RIC1: variants seen among roughly 807,000 people sequenced by gnomAD.
The protein encoded by RIC1 is guanine nucleotide exchange factor subunit RIC1.
In RIC1, 88 loss-of-function variants were observed where a neutral mutation model predicts 169.0. The ratio of observed to expected loss-of-function variants is 0.52; its 90% CI spans 0.44 to 0.62. The LOEUF (loss-of-function observed/expected upper bound fraction) is 0.62, where lower values mean the gene tolerates loss of function less well. RIC1 is among the 20% of genes least tolerant of loss of function. The probability of loss-of-function intolerance (pLI) is 0.00; values close to 1 mark genes in which losing one functional copy is unlikely to be tolerated. For missense variants in RIC1, 1,877 were observed against 1,725.5 expected (o/e 1.09, Z -1.56); for synonymous variants, 790 against 601.5 (o/e 1.31, Z -4.59).
chr9:5,634,688 GTTTTC>G (rs899334762), intron 1 of RIC1, among the ~76,000 whole-genome samples: 114 of 151,996 alleles, frequency 7.5e-4, no homozygotes, highest in Middle Eastern at 3.4e-3. Context: ...CTTGTTGATT[GTTTTC>G]TTTACTGTAC....
intron 6 of RIC1, among the ~76,000 whole-genome samples, chr9:5,725,133 T>A (rs1010916461): frequency 2.0e-5 from 3 of 152,218 alleles, no homozygotes; most frequent in Non-Finnish European, 2.9e-5. Flanking sequence ...GAAGGAATGG[T>A]ACCAGTTCCT....
intron 3 of RIC1, among the ~76,000 whole-genome samples, chr9:5,697,511 G>T (rs1356080799): frequency 6.6e-6 from 1 of 152,100 alleles, no homozygotes; most frequent in Non-Finnish European, 1.5e-5. Flanking sequence ...ACAATTTTCA[G>T]TCTTTTTCCA....
chr9:5,684,274 A>ACAC (rs1821064941), intron 2 of RIC1, among the ~76,000 whole-genome samples: 1 of 7,630 alleles, frequency 1.3e-4, no homozygotes, highest in Non-Finnish European at 3.2e-4. Flanking sequence ...TCTTGGCTCC[A>ACAC]CCCCCCCCCC....
At position 5,738,433 on chromosome 9, in the gene RIC1, C is replaced by T. The variant is rs201176363; in HGVS notation, c.813-17C>T. 21 of 1,543,814 alleles carry T rather than the reference C, an allele frequency of 1.4e-5. No homozygotes were observed. The East Asian group carries it at 2.1e-4, about 15-fold the overall frequency. On this transcript the variant is annotated splice_polypyrimidine_tract_variant and intron_variant, in intron 7 of 25. Coordinates refer to ENST00000414202, the MANE Select transcript of RIC1 (RefSeq NM_020829.4). The stretch of plus-strand genomic sequence containing the variant: ...TTGTCTTTTTTCACTAAAAGTTTTT[C>T]GTTGTTGTTTTCACAGTGGTTCTGT...
chr9:5,647,527 G>C (rs1331145890), intron 1 of RIC1, among the ~76,000 whole-genome samples: 1 of 152,086 alleles, frequency 6.6e-6, no homozygotes, highest in African/African-American at 2.4e-5. Flanking sequence ...TGCCTGCTTG[G>C]TTAGGTTTAG....
At chr9:5,664,917 A>G (rs529876098) in intron 2 of RIC1, among the ~76,000 whole-genome samples, 1 of 152,196 alleles carries the variant, frequency 6.6e-6, no homozygotes, top group East Asian at 1.9e-4. Context: ...AATAGTTGTG[A>G]TTGCATTGTG....
intron 1 of RIC1, among the ~76,000 whole-genome samples, chr9:5,655,519 G>A (rs1157857085): frequency 6.6e-6 from 1 of 151,852 alleles, no homozygotes; most frequent in Non-Finnish European, 1.5e-5. Flanking sequence ...CAGGCTGGTC[G>A]CAAACTCCTG....
At chr9:5,733,953 AGACCTAGAATTTTCTT>A (rs1277769667) in intron 7 of RIC1, among the ~76,000 whole-genome samples, 1 of 150,620 alleles carries the variant, frequency 6.6e-6, no homozygotes, top group Non-Finnish European at 1.5e-5. Flanking sequence ...GAAGCCATCT[AGACCTAGAATTTTCTT>A]ATTGTGGATT....
intron 3 of RIC1, among the ~76,000 whole-genome samples, chr9:5,712,386 C>A (rs1822986420): frequency 6.6e-6 from 1 of 152,084 alleles, no homozygotes; most frequent in Non-Finnish European, 1.5e-5. Context: ...AAAGAAACTA[C>A]CATCAGAGTG....
At chr9:5,751,109 G>T (rs1382285677) in intron 12 of RIC1, among the ~76,000 whole-genome samples, 1 of 151,686 alleles carries the variant, frequency 6.6e-6, no homozygotes, top group Non-Finnish European at 1.5e-5. Context: ...TTTGCAGTAA[G>T]ATCCCAGCTC....
rs71487829 is a variant in RIC1, at chr9:5,733,263, ATTTTTTTTT to A, written c.812+794_812+802del. On this transcript the variant is annotated intron_variant, in intron 7 of 25. Transcript: ENST00000414202. Reference sequence around the variant, plus strand: ...TCACCACCCAATTTAAGTATCAAAGATTTTTTTTTTTTTTTTTTGAGATGGAGTCTCGCT... The same window carrying A: ...TCACCACCCAATTTAAGTATCAAAGATTTTTTTTTGAGATGGAGTCTCGCT... Among the ~76,000 whole-genome samples, 169 of 134,882 alleles carry A rather than the reference ATTTTTTTTT, an allele frequency of 1.3e-3. 1 individual carries two copies. Among genetic ancestry groups the A allele is most frequent in the Non-Finnish European group, 1.9e-3 (120 of 62,098 alleles). The allele number at this position is 134,882 out of a possible 152,430, so 88.5% of individuals were successfully genotyped here.
chr9:5,647,982 GGTGGTGGTGGTA>G (rs371138504), intron 1 of RIC1, among the ~76,000 whole-genome samples: 15,627 of 143,912 alleles, frequency 0.11, 1,376 homozygotes, highest in African/African-American at 0.26. Context: ...TGATGGTGGT[GGTGGTGGTGGTA>G]GTGGTAGTGG....
intron 1 of RIC1, among the ~76,000 whole-genome samples, chr9:5,636,574 C>T (rs537428883): frequency 1.2e-4 from 18 of 152,262 alleles, no homozygotes; most frequent in Admixed American, 3.9e-4. Context: ...CTGCCTCAGC[C>T]TCCCAAAGTG....
At chr9:5,708,729 T>C (rs1822752442) in intron 3 of RIC1, among the ~76,000 whole-genome samples, 2 of 152,146 alleles carry the variant, frequency 1.3e-5, no homozygotes, top group Non-Finnish European at 2.9e-5. Context: ...GTGTGCATCT[T>C]TTAAAATTTA....
intron 2 of RIC1, among the ~76,000 whole-genome samples, chr9:5,681,757 A>G (rs1448681051): frequency 6.6e-6 from 1 of 152,106 alleles, no homozygotes; most frequent in Non-Finnish European, 1.5e-5. Context: ...AAAGTCTCCC[A>G]TTATTATTGT....
intron 21 of RIC1, among the ~76,000 whole-genome samples, chr9:5,766,659 C>G (rs1432992501): frequency 6.6e-6 from 1 of 152,186 alleles, no homozygotes; most frequent in East Asian, 1.9e-4. Context: ...CATCAGGTCA[C>G]TGCAAATGCT....
At chr9:5,651,679 T>A (rs1372041182) in intron 1 of RIC1, among the ~76,000 whole-genome samples, 2 of 149,050 alleles carry the variant, frequency 1.3e-5, no homozygotes, top group South Asian at 4.5e-4. Context: ...TTCTCCTGCC[T>A]CAGCCTCCCG....
intron 1 of RIC1, among the ~76,000 whole-genome samples, chr9:5,649,114 A>G (rs1387777205): frequency 6.6e-6 from 1 of 152,156 alleles, no homozygotes; most frequent in Non-Finnish European, 1.5e-5. Context: ...CAGCCTGGCA[A>G]CAGAGATAGA....
chr9:5,770,265 T>C lies in RIC1; in HGVS notation c.3603T>C (p.Pro1201=). ...AAATGCAAGATGCCTTCTTGTCACC[T>C]TTATCTAATAAAGGTAAATGTAATT... is the stretch of plus-strand genomic sequence containing the variant. The part of the protein sequence containing the change: ...GPQMQDAFLS[P]LSNKGDECSI... Residue 1201 remains proline, a synonymous_variant, in exon 23 of 26, where the codon CCT becomes CCC. Coordinates refer to ENST00000414202, the MANE Select transcript of RIC1 (RefSeq NM_020829.4). 1 of 1,612,588 alleles carries C rather than the reference T, an allele frequency of 6.2e-7. No individual in the cohort carries two copies. The highest frequency in any genetic ancestry group is 8.5e-7 in the Non-Finnish European group (1 of 1,179,242).
Sources: gnomAD v4.1 joint callset for allele counts (sites outside exome capture counted in the v4.1 genomes callset) on GRCh38, gnomAD v4.1.1 for gene constraint, MANE v1.5 for transcripts, NCBI Gene and HGNC (gene_info 2026-07-23, HGNC 2026-07-21) for gene names.